The following ARHGEF15 variants were observed in gnomAD, a reference collection of about 807,000 sequenced individuals.
ARHGEF15 encodes the protein Rho guanine nucleotide exchange factor (GEF) 15.
A neutral mutation model predicts 79.7 loss-of-function variants in ARHGEF15; 58 were observed. The observed-to-expected ratio is 0.73, with a 90% CI of 0.59 to 0.91. ARHGEF15 has a LOEUF of 0.91. Ranked by LOEUF, ARHGEF15 falls within the 40% of genes least tolerant of loss-of-function variation. The pLI is 0.00. For synonymous variants in ARHGEF15, 442 were observed against 456.0 expected, an observed-to-expected ratio of 0.97 and a Z score of 0.39; for missense variants, 1,012 against 1,108.1, an observed-to-expected ratio of 0.91 and a Z score of 1.23.
chr17:8,311,951 G>T, intron 1 of ARHGEF15, 40 bp from the exon 2 acceptor site: 2 of 1,365,102 alleles, frequency 1.5e-6, no homozygotes, highest in South Asian at 1.7e-5. Context: ...CCTCCCTGTG[G>T]GGCACTAAGG....
In ARHGEF15 at chr17:8,322,094, AG is replaced by A. The variant is rs1567681604; in HGVS notation, c.*1103del. 1 of 152,882 alleles carries A rather than the reference AG, an allele frequency of 6.5e-6. No homozygotes were observed. The highest frequency in any genetic ancestry group is 1.5e-5 in the Non-Finnish European group (1 of 68,226). 9.5% of individuals were successfully genotyped at this position (152,882 alleles called of 1,614,324 possible). A position where few individuals can be genotyped will look rare whatever the true frequency, so the allele number is the denominator to read the frequency against. Reference sequence around the variant, plus strand: ...TGAAGAAACGGGAGCTGTGGACCACAGGCCAGCCAGTGAACCTCCTGGGCTT... The same window carrying A: ...TGAAGAAACGGGAGCTGTGGACCACAGCCAGCCAGTGAACCTCCTGGGCTT... On this transcript the variant is annotated 3_prime_UTR_variant, in exon 16 of 16. Coordinates refer to ENST00000361926, the MANE Select transcript of ARHGEF15 (RefSeq NM_173728.4).
intron 15 of ARHGEF15, 35 bp from the exon 16 acceptor site, chr17:8,320,807 C>T: frequency 6.2e-7 from 1 of 1,608,798 alleles, no homozygotes; most frequent in Non-Finnish European, 8.5e-7. Flanking sequence ...CTCCCTGCCC[C>T]CACCTCATTG....
chr17:8,320,771 C>A, intron 15 of ARHGEF15, 71 bp from the exon 16 acceptor site: 2 of 1,437,588 alleles, frequency 1.4e-6, no homozygotes, highest in Non-Finnish European at 1.9e-6. Context: ...TGAGACCCCA[C>A]GAGGCCCCCT....
At chr17:8,316,650 C>G (rs999929089) in intron 9 of ARHGEF15, among the ~76,000 whole-genome samples, 2 of 152,302 alleles carry the variant, frequency 1.3e-5, no homozygotes, top group Admixed American at 6.5e-5. Flanking sequence ...AAACAGAGTT[C>G]CAGTAGATCT....
Position 8,312,908 on chromosome 17 carries a change from C to T in ARHGEF15, c.602-14C>T, listed in dbSNP as rs1904745385. The T allele has an allele frequency of 6.4e-7, 1 of 1,567,074 alleles. No homozygotes were observed. Among genetic ancestry groups the T allele is most frequent in the African/African-American group, 1.3e-5 (1 of 74,270 alleles). ...CCCCAAGGGCTTTCTCCTTAGGCTA[C>T]CTGTCTCCCACAGATGCTGGCCTGG... On this transcript the variant is annotated splice_polypyrimidine_tract_variant and intron_variant, in intron 2 of 15. Transcript: ENST00000361926.
At position 8,318,327 on chromosome 17, in the gene ARHGEF15, C is replaced by G; in HGVS notation, c.1705-60C>G. 1 of 1,522,568 alleles carries G rather than the reference C, an allele frequency of 6.6e-7. No individual in the cohort carries two copies. The highest frequency in any genetic ancestry group is 1.4e-5 in the African/African-American group (1 of 72,418). The allele number at this position is 1,522,568 out of a possible 1,614,324, so 94.3% of individuals were successfully genotyped here. A position where few individuals can be genotyped will look rare whatever the true frequency, so the allele number is the denominator to read the frequency against. On this transcript the variant is annotated intron_variant, in intron 9 of 15. Transcript: ENST00000361926. This position sits in a 1 kb window ranked among gnomAD's most constrained non-coding sequence, Gnocchi z 5.0. ...CAGACAGGGTCCTCTGAGCTGTGGC[C>G]CCTCTGAATCCCAGGGCCACAGAGC...
intron 4 of ARHGEF15, 91 bp from the exon 5 acceptor site, chr17:8,314,815 A>G (rs898096828): frequency 1.2e-5 from 18 of 1,523,950 alleles, no homozygotes; most frequent in Middle Eastern, 2.3e-4. Flanking sequence ...CAACCTGCAC[A>G]TGGGTTGCCC....
chr17:8,312,775 G>T, intron 2 of ARHGEF15, 135 bp downstream of exon 2: 7 of 1,580,564 alleles, frequency 4.4e-6, no homozygotes, highest in East Asian at 2.2e-5. Context: ...TGTATGTCGG[G>T]ATTTGAAGGG....
chr17:8,312,151 C>A lies in ARHGEF15; in HGVS notation c.112C>A (p.His38Asn). 6.2e-7 allele frequency: 1 copy of A among 1,609,754 alleles called. No homozygotes were observed. The highest frequency in any genetic ancestry group is 8.5e-7 in the Non-Finnish European group (1 of 1,178,108). The change falls in exon 2 of 16, where the codon CAC (histidine) becomes AAC (asparagine). Residue 38 changes from histidine (H) to asparagine (N), a missense_variant. By Grantham distance (68) the His-to-Asn change is moderately conservative. Coordinates refer to ENST00000361926, the MANE Select transcript of ARHGEF15 (RefSeq NM_173728.4). Reference protein sequence around the residue: ...SRAAQSPGPPHNGSSPQELPR... With the variant: ...SRAAQSPGPPNNGSSPQELPR... Reference sequence around the variant, plus strand: ...GGCTGCCCAGTCCCCAGGGCCTCCCCACAATGGCTCCTCTCCACAAGAACT... The same window carrying A: ...GGCTGCCCAGTCCCCAGGGCCTCCCAACAATGGCTCCTCTCCACAAGAACT...
intron 1 of ARHGEF15, among the ~76,000 whole-genome samples, chr17:8,311,492 G>A (rs1040479151): frequency 2.0e-5 from 3 of 152,020 alleles, no homozygotes; most frequent in East Asian, 1.9e-4. Context: ...GGGAGAGTCC[G>A]GAGAGAGGAA....
chr17:8,311,520 G>A (rs928599954), intron 1 of ARHGEF15, among the ~76,000 whole-genome samples: 3 of 151,988 alleles, frequency 2.0e-5, no homozygotes, highest in African/African-American at 7.3e-5. Flanking sequence ...ATGGGGGGCG[G>A]AGGGCCAGTG....
At chr17:8,314,187 C>T in intron 4 of ARHGEF15, 1 of 152,312 alleles carries the variant, frequency 6.6e-6, no homozygotes, top group Non-Finnish European at 1.5e-5. Context: ...TCCCTTCCCT[C>T]ACCTTGAGCT....
At position 8,312,231 on chromosome 17, in the gene ARHGEF15, G is replaced by C; in HGVS notation, c.192G>C (p.Glu64Asp). The C allele has an allele frequency of 6.5e-7, 1 of 1,540,424 alleles. No individual in the cohort carries two copies. The highest frequency in any genetic ancestry group is 8.7e-7 in the Non-Finnish European group (1 of 1,143,310). The change falls in exon 2 of 16, where the codon GAG becomes GAC. Residue 64 changes from glutamate to aspartate, a missense_variant. Physicochemically the swap from Glu to Asp is conservative, Grantham distance 45. Coordinates refer to ENST00000361926, the MANE Select transcript of ARHGEF15 (RefSeq NM_173728.4). Reference sequence around the variant, plus strand: ...CAATGTGCACCCCCATCTTCTGGGAGCCCCCAGCTGCATCCCTCAAGCCCC... The same window carrying C: ...CAATGTGCACCCCCATCTTCTGGGACCCCCCAGCTGCATCCCTCAAGCCCC... ...PTPMCTPIFW[E>D]PPAASLKPPA...
At chr17:8,317,058 C>T (rs1905071959) in intron 9 of ARHGEF15, among the ~76,000 whole-genome samples, 1 of 152,152 alleles carries the variant, frequency 6.6e-6, no homozygotes, top group Non-Finnish European at 1.5e-5. Flanking sequence ...GCTGGCATTA[C>T]AGGCGTGAGC....
chr17:8,320,888 T>G lies in ARHGEF15; in HGVS notation c.2421T>G (p.Cys807Trp). 6.2e-7 allele frequency: 1 copy of G among 1,613,688 alleles called. No individual in the cohort carries two copies. The highest frequency in any genetic ancestry group is 1.3e-5 in the African/African-American group (1 of 74,960). The change falls in exon 16 of 16, where the codon TGT becomes TGG. Residue 807 changes from cysteine (C) to tryptophan (W), a missense_variant. Physicochemically the swap from Cys to Trp is radical, Grantham distance 215 (BLOSUM62 -2). Coordinates refer to ENST00000361926, the MANE Select transcript of ARHGEF15 (RefSeq NM_173728.4). ...GGGCCTTCCCTGCCCAGCTGGTGTGTGAAGTCACAGGGGAACACGAAAGGA... is the reference window on the plus strand; with the variant it reads ...GGGCCTTCCCTGCCCAGCTGGTGTGGGAAGTCACAGGGGAACACGAAAGGA... ...LPGAFPAQLV[C>W]EVTGEHERRR... is the part of the protein sequence containing the mutation.
intron 1 of ARHGEF15, among the ~76,000 whole-genome samples, chr17:8,311,510 AT>A (rs1302435306): frequency 6.6e-6 from 1 of 152,052 alleles, no homozygotes; most frequent in African/African-American, 2.4e-5. Flanking sequence ...GAACTGGGAA[AT>A]GGGGGGCGGA....
At chr17:8,316,318 A>G (rs11657904) in intron 9 of ARHGEF15, among the ~76,000 whole-genome samples, 170 bp downstream of exon 9, 53,973 of 152,072 alleles carry the variant, frequency 0.35, 9,999 homozygotes, top group East Asian at 0.66. Flanking sequence ...ACCAAGTCCT[A>G]CCTTAGGGGC....
rs201417967 is a variant in ARHGEF15, at chr17:8,314,981, C to G, written c.1048+17C>G. 2.9e-5 allele frequency: 46 copies of G among 1,613,956 alleles called. No homozygotes were observed. Among genetic ancestry groups the G allele is most frequent in the Non-Finnish European group, 3.7e-5 (44 of 1,179,918 alleles). On this transcript the variant is annotated intron_variant, in intron 5 of 15. Coordinates refer to ENST00000361926, the MANE Select transcript of ARHGEF15 (RefSeq NM_173728.4). ...TGCAGGATGGTGAGGGCCTCTGGAC[C>G]TGAGGGTCCCTGCTGTGACCATCAA...
At position 8,312,515 on chromosome 17, in the gene ARHGEF15, G is replaced by C. The variant is rs116075794; in HGVS notation, c.476G>C (p.Gly159Ala). The C allele has an allele frequency of 7.4e-5, 120 of 1,611,772 alleles. No homozygotes were observed. The African/African-American group carries it at 1.1e-3, about 14-fold the overall frequency. The change falls in exon 2 of 16, where the codon GGG becomes GCG. Residue 159 changes from glycine (G) to alanine (A), a missense_variant. Gly to Ala is a moderately conservative substitution (Grantham distance 60, BLOSUM62 0). Transcript: ENST00000361926. ...TVRRLAGRFE[G>A]GAEGRAQDAD... ...CGGAGGCTGGCTGGCAGGTTTGAAGGGGGTGCTGAAGGCCGGGCTCAGGAT... is the reference window on the plus strand; with the variant it reads ...CGGAGGCTGGCTGGCAGGTTTGAAGCGGGTGCTGAAGGCCGGGCTCAGGAT...
Sources: allele counts gnomAD v4.1 joint callset (sites outside exome capture counted in the v4.1 genomes callset), GRCh38; gene constraint gnomAD v4.1.1; non-coding constraint Gnocchi (gnomAD v3.1); transcripts MANE v1.5; gene names NCBI Gene and HGNC (gene_info 2026-07-23, HGNC 2026-07-21).